Variants in PLCL2 observed in about 807,000 individuals in gnomAD.
PLCL2 encodes inactive phospholipase C-like protein 2.
PLCL2 carries 4 observed loss-of-function variants against 79.6 expected under a neutral mutation model. The observed-to-expected ratio is 0.05, with a 90% CI of 0.02 to 0.11. The LOEUF (loss-of-function observed/expected upper bound fraction) is 0.11, where lower values mean the gene tolerates loss of function less well. Ranked by LOEUF, PLCL2 falls within the 10% of genes least tolerant of loss-of-function variation. PLCL2 has a pLI of 1.00. For synonymous variants in PLCL2, 484 were observed against 457.7 expected (o/e 1.06, Z -0.73); for missense variants, 895 against 1,291.0 (o/e 0.69, Z 4.70).
Position 16,905,956 on chromosome 3 carries a change from A to G in PLCL2, c.327+20590A>G, listed in dbSNP as rs1304017709. ...TTAACCATCTTCTGCTTTGGCAAGA[A>G]TAATCCAGATCCACCTGGAGAGGCT... is the stretch of plus-strand genomic sequence containing the variant. On this transcript the variant is annotated intron_variant, in intron 1 of 5. Coordinates refer to ENST00000615277, the MANE Select transcript of PLCL2 (RefSeq NM_001144382.2). 2.0e-5 allele frequency among the ~76,000 whole-genome samples: 3 copies of G among 152,192 alleles called. No individual in the cohort carries two copies. The East Asian group carries it at 5.8e-4, about 29-fold the overall frequency.
intron 3 of PLCL2, among the ~76,000 whole-genome samples, chr3:17,019,708 A>T (rs2064427471): frequency 6.6e-6 from 1 of 152,238 alleles, no homozygotes; most frequent in South Asian, 2.1e-4. Context: ...TAAAATAAAG[A>T]AAACTGTAAT....
chr3:17,077,792 C>T (rs1167296142), intron 5 of PLCL2, among the ~76,000 whole-genome samples: 1 of 152,174 alleles, frequency 6.6e-6, no homozygotes, highest in African/African-American at 2.4e-5. Flanking sequence ...GGGACAGGGA[C>T]CTCAGGGAAC....
At chr3:16,959,211 G>C (rs916138372) in intron 1 of PLCL2, among the ~76,000 whole-genome samples, 8 of 152,108 alleles carry the variant, frequency 5.3e-5, no homozygotes, top group African/African-American at 1.9e-4. Context: ...AATATCATGT[G>C]CCTCTTGCCT....
At position 16,909,234 on chromosome 3, in the gene PLCL2, A is replaced by C. The variant is rs7634541; in HGVS notation, c.327+23868A>C. ...GTTTCAGTTCTTGGTGTGGTAACTT[A>C]AAATGTACACTCTCAATATACAGGT... On this transcript the variant is annotated intron_variant, in intron 1 of 5. Transcript: ENST00000615277. Among the ~76,000 whole-genome samples the C allele has an allele frequency of 1.1e-3, 160 of 152,362 alleles. 1 individual carries two copies. The highest frequency in any genetic ancestry group is 3.8e-3 in the African/African-American group (159 of 41,592).
chr3:16,897,466 A>G (rs1407470978), intron 1 of PLCL2, among the ~76,000 whole-genome samples: 1 of 152,158 alleles, frequency 6.6e-6, no homozygotes, highest in African/African-American at 2.4e-5. Context: ...CTGCAGCATG[A>G]AGGAGGAGCC....
chr3:17,063,324 T>C (rs2064975128), intron 4 of PLCL2, among the ~76,000 whole-genome samples: 1 of 100,850 alleles, frequency 9.9e-6, no homozygotes, highest in Non-Finnish European at 1.9e-5. Flanking sequence ...TCTTTTTTTT[T>C]AGGATAGACA....
At chr3:16,976,262 A>C (rs1286477503) in intron 1 of PLCL2, among the ~76,000 whole-genome samples, 1 of 151,992 alleles carries the variant, frequency 6.6e-6, no homozygotes, top group Non-Finnish European at 1.5e-5. Context: ...ACATGGAAAA[A>C]TTTTTAAGAA....
Position 17,014,820 on chromosome 3 carries a change from T to C in PLCL2, c.2927T>C (p.Val976Ala), listed in dbSNP as rs755845125. 6.2e-7 allele frequency: 1 copy of C among 1,614,096 alleles called. No individual in the cohort carries two copies. Among genetic ancestry groups the C allele is most frequent in the Non-Finnish European group, 8.5e-7 (1 of 1,179,960 alleles). The change falls in exon 3 of 6, where the codon GTG becomes GCG. Residue 976 changes from valine (V) to alanine (A), a missense_variant. Transcript: ENST00000615277. ...CTGGGGCCCGATAACACACCCCTAG[T>C]GGTCCTAAATCTCAGCGAGCAGTAC... ...RFLGPDNTPL[V>A]VLNLSEQYPT...
At position 16,899,159 on chromosome 3, in the gene PLCL2, G is replaced by A. The variant is rs542184333; in HGVS notation, c.327+13793G>A. Reference sequence around the variant, plus strand: ...ACCATGATTCTCACTTTAGTGGTGAGTTGAATCTTGGCCTCAAGGCATGTC... The same window carrying A: ...ACCATGATTCTCACTTTAGTGGTGAATTGAATCTTGGCCTCAAGGCATGTC... On this transcript the variant is annotated intron_variant, in intron 1 of 5. Coordinates refer to ENST00000615277, the MANE Select transcript of PLCL2 (RefSeq NM_001144382.2). Among the ~76,000 whole-genome samples, 5 of 152,352 alleles carry A rather than the reference G, an allele frequency of 3.3e-5. No homozygotes were observed. The East Asian group carries it at 9.6e-4, about 29-fold the overall frequency.
intron 1 of PLCL2, among the ~76,000 whole-genome samples, chr3:16,911,514 A>G (rs1192911420): frequency 2.0e-5 from 3 of 152,114 alleles, no homozygotes; most frequent in Admixed American, 2.0e-4. Flanking sequence ...TCTAACTCAT[A>G]TATTAGATTA....
chr3:16,921,304 A>G (rs1222601982), intron 1 of PLCL2, among the ~76,000 whole-genome samples: 1 of 152,218 alleles, frequency 6.6e-6, no homozygotes, highest in Non-Finnish European at 1.5e-5. Flanking sequence ...TAATTTAATC[A>G]TCTGTTTCAT....
rs2065254544 is a variant in PLCL2 at position 17,089,734 on chromosome 3, G to A, written c.3206G>A (p.Gly1069Glu). ...GTTTAATTGCATGTTTTGTTATAGG[G>A]ACAAGCAGATCTTTTGAAATATGCT... ...SFTWNITILK[G>E]QADLLKYAKN... is the part of the protein sequence containing the mutation. Residue 1069 changes from glycine to glutamate, a missense_variant and splice_region_variant, in exon 6 of 6, where the codon GGA (glycine) becomes GAA (glutamate). Around this residue, in one of 6 missense-constraint regions of PLCL2, gnomAD observed 298 missense variants for 459.6 expected, o/e 0.65. Coordinates refer to ENST00000615277, the MANE Select transcript of PLCL2 (RefSeq NM_001144382.2). The A allele has an allele frequency of 6.3e-7, 1 of 1,584,448 alleles. No individual in the cohort carries two copies. Among genetic ancestry groups the A allele is most frequent in the Non-Finnish European group, 8.7e-7 (1 of 1,154,464 alleles).
chr3:17,035,752 C>A (rs776761234), intron 3 of PLCL2: 1 of 516,156 alleles, frequency 1.9e-6, no homozygotes, highest in Non-Finnish European at 3.9e-6. Context: ...CTCTTCTATC[C>A]ATGTTTCCTT....
intron 1 of PLCL2, among the ~76,000 whole-genome samples, chr3:17,005,711 T>G (rs187603803): frequency 2.0e-4 from 31 of 152,328 alleles, no homozygotes; most frequent in Admixed American, 1.4e-3. Context: ...CAAATGAACC[T>G]TTGTTTCTTT....
intron 1 of PLCL2, among the ~76,000 whole-genome samples, chr3:16,972,135 C>T (rs1035224670): frequency 2.3e-3 from 357 of 152,098 alleles, no homozygotes; most frequent in Admixed American, 3.9e-3. Context: ...AGGGATGCCC[C>T]CTCTCACCAC....
chr3:17,034,844 T>C lies in PLCL2; in HGVS notation c.3019-8030T>C, dbSNP rs145523694. 9.4e-4 allele frequency among the ~76,000 whole-genome samples: 143 copies of C among 152,276 alleles called. No individual in the cohort carries two copies. The East Asian group carries it at 0.019, about 20-fold the overall frequency. On this transcript the variant is annotated intron_variant, in intron 3 of 5. Coordinates refer to ENST00000615277, the MANE Select transcript of PLCL2 (RefSeq NM_001144382.2). ...ATGTTAAGAGAAGACTTACTGTATA[T>C]TCTCCACAGTTACTCAAGATCACCA...
intron 1 of PLCL2, among the ~76,000 whole-genome samples, chr3:16,915,574 T>G (rs1374303799): frequency 1.3e-5 from 2 of 152,344 alleles, no homozygotes; most frequent in East Asian, 3.9e-4. Flanking sequence ...TCTTTGCTGC[T>G]CTCATATTTT....
intron 1 of PLCL2, among the ~76,000 whole-genome samples, chr3:16,940,231 A>G (rs551275755): frequency 8.0e-4 from 122 of 152,208 alleles, no homozygotes; most frequent in Non-Finnish European, 1.6e-3. Context: ...TCTTCAAAAA[A>G]CTTTCACTAG....
intron 1 of PLCL2, among the ~76,000 whole-genome samples, chr3:16,947,621 T>A (rs1482186304): frequency 6.6e-6 from 1 of 152,200 alleles, no homozygotes; most frequent in Non-Finnish European, 1.5e-5. Flanking sequence ...TCCATTTATT[T>A]TAGTATTCCA....
Sources: allele counts gnomAD v4.1 joint callset (sites outside exome capture counted in the v4.1 genomes callset), GRCh38; gene constraint gnomAD v4.1.1; regional missense constraint gnomAD v4.1.1; transcripts MANE v1.5; gene names NCBI Gene and HGNC (gene_info 2026-07-23, HGNC 2026-07-21).